The following PGM2L1 variants were observed in gnomAD, a reference collection of about 807,000 sequenced individuals.
PGM2L1 encodes the protein glucose 1,6-bisphosphate synthase.
In PGM2L1, 35 loss-of-function variants were observed where a neutral mutation model predicts 73.4. That is an observed-to-expected ratio of 0.48 (90% confidence interval 0.36 to 0.63). PGM2L1 has a LOEUF of 0.63. Ranked by LOEUF, PGM2L1 falls within the 30% of genes least tolerant of loss-of-function variation. PGM2L1 has a pLI of 0.00. For synonymous variants in PGM2L1, 225 were observed against 253.8 expected, an observed-to-expected ratio of 0.89 and a Z score of 1.08; for missense variants, 570 against 742.0, an observed-to-expected ratio of 0.77 and a Z score of 2.69.
At chr11:74,358,543 C>A (rs1862498276) in intron 5 of PGM2L1, among the ~76,000 whole-genome samples, 1 of 152,078 alleles carries the variant, frequency 6.6e-6, no homozygotes, top group Admixed American at 6.5e-5. Context: ...ATGGTATGAC[C>A]ACCTTGAATA....
At chr11:74,372,129 CT>C (rs1365061314) in intron 2 of PGM2L1, among the ~76,000 whole-genome samples, 1 of 79,130 alleles carries the variant, frequency 1.3e-5, no homozygotes, top group Non-Finnish European at 2.8e-5. Flanking sequence ...CGTCAATAAG[CT>C]AAAAAAAAAA....
In PGM2L1 at chr11:74,374,523, C is replaced by G; in HGVS notation, c.171G>C (p.Leu57=). ...TCATTCGGCAACAAAGACGATCTCG[C>G]AGCTCCTTGTTCATCCCATTCCGTA... ...NLLRNGMNKE[L]RDRLCCRMTF... Residue 57 remains leucine (L), a synonymous_variant, in exon 2 of 14, where the codon CTG becomes CTC. Transcript: ENST00000298198. The G allele has an allele frequency of 6.2e-7, 1 of 1,614,178 alleles. No homozygotes were observed. Among genetic ancestry groups the G allele is most frequent in the Non-Finnish European group, 8.5e-7 (1 of 1,180,002 alleles).
At chr11:74,359,026 A>G (rs1407898391) in intron 5 of PGM2L1, among the ~76,000 whole-genome samples, 1 of 152,238 alleles carries the variant, frequency 6.6e-6, no homozygotes, top group Non-Finnish European at 1.5e-5. Context: ...TAGTAATCAT[A>G]TTAAAAAATA....
At position 74,343,386 on chromosome 11, in the gene PGM2L1, T is replaced by C. The variant is rs754894769; in HGVS notation, c.1249A>G (p.Ser417Gly). 8.7e-6 allele frequency: 14 copies of C among 1,609,428 alleles called. No individual in the cohort carries two copies. Among genetic ancestry groups the C allele is most frequent in the Non-Finnish European group, 1.1e-5 (13 of 1,178,826 alleles). ...TTTTCCAGGAGGTCTATTATCCTAC[T>C]TCCAATCCATTTAAAACCTGGTAAT... ...ETLPGFKWIG[S>G]RIIDLLENGK... Residue 417 changes from serine to glycine, a missense_variant, in exon 10 of 14, where the codon AGT becomes GGT. Ser to Gly is a moderately conservative substitution (Grantham distance 56). Coordinates refer to ENST00000298198, the MANE Select transcript of PGM2L1 (RefSeq NM_173582.6).
chr11:74,366,728 T>A (rs1862666119), intron 5 of PGM2L1, among the ~76,000 whole-genome samples: 1 of 151,730 alleles, frequency 6.6e-6, no homozygotes, highest in Admixed American at 6.6e-5. Flanking sequence ...AAGGGAGCAG[T>A]GGTATGACTG....
At chr11:74,371,364 T>C (rs951912906) in intron 3 of PGM2L1, among the ~76,000 whole-genome samples, 1 of 152,174 alleles carries the variant, frequency 6.6e-6, no homozygotes, top group Non-Finnish European at 1.5e-5. Context: ...TACATGATTA[T>C]CTATTTATAA....
intron 13 of PGM2L1, 132 bp from the exon 14 acceptor site, chr11:74,336,886 G>T: frequency 1.7e-6 from 1 of 592,310 alleles, no homozygotes; most frequent in Non-Finnish European, 2.7e-6. Context: ...AATTCACTTG[G>T]TTAAAACAAA....
chr11:74,397,990 C>A (rs1417103457), intron 1 of PGM2L1, 61 bp downstream of exon 1: 24 of 1,481,708 alleles, frequency 1.6e-5, no homozygotes, highest in Non-Finnish European at 2.0e-5. Flanking sequence ...TGGGTGGGCA[C>A]AGGAAAGAGC....
In PGM2L1 at chr11:74,332,406, T is replaced by A. The variant is rs1034383085; in HGVS notation, c.*4246A>T. On this transcript the variant is annotated 3_prime_UTR_variant, in exon 14 of 14. Coordinates refer to ENST00000298198, the MANE Select transcript of PGM2L1 (RefSeq NM_173582.6). ...TACTTCCTACAATAAGTCTTAAATATAATGACAACATTAACAAAATAACCA... is the reference window on the plus strand; with the variant it reads ...TACTTCCTACAATAAGTCTTAAATAAAATGACAACATTAACAAAATAACCA... The A allele has an allele frequency of 6.6e-6, 1 of 152,444 alleles. No individual in the cohort carries two copies. Among genetic ancestry groups the A allele is most frequent in the Admixed American group, 6.5e-5 (1 of 15,280 alleles). The allele number at this position is 152,444 out of a possible 1,614,324, so 9.4% of individuals were successfully genotyped here. A position where few individuals can be genotyped will look rare whatever the true frequency, so the allele number is the denominator to read the frequency against.
chr11:74,395,114 C>T (rs1001381002), intron 1 of PGM2L1, among the ~76,000 whole-genome samples: 1 of 152,028 alleles, frequency 6.6e-6, no homozygotes, highest in Non-Finnish European at 1.5e-5. Context: ...TGTATTCTCT[C>T]CTATTAAGAG....
chr11:74,342,655 G>A lies in PGM2L1; in HGVS notation c.1443-5C>T, dbSNP rs1862201125. ...TTTGAAATATGATAACCATATCTGT[G>A]CAAAGATTCAAAGTGCTAAAATTAG... is the stretch of plus-strand genomic sequence containing the variant. On this transcript the variant is annotated splice_region_variant and splice_polypyrimidine_tract_variant and intron_variant, in intron 11 of 13. Coordinates refer to ENST00000298198, the MANE Select transcript of PGM2L1 (RefSeq NM_173582.6). The A allele has an allele frequency of 6.5e-7, 1 of 1,536,652 alleles. No individual in the cohort carries two copies. The highest frequency in any genetic ancestry group is 2.0e-4 in the Middle Eastern group (1 of 4,956).
rs1212241477 is a variant in PGM2L1, at chr11:74,335,051, G to C, written c.*1601C>G. 2.6e-5 allele frequency: 4 copies of C among 151,066 alleles called. No individual in the cohort carries two copies. The highest frequency in any genetic ancestry group is 9.7e-5 in the African/African-American group (4 of 41,038). 9.4% of individuals were successfully genotyped at this position (151,066 alleles called of 1,614,324 possible). ...CCCAAAGCGCTGGTATTACAGATGT[G>C]AGCCACCAAGCCCAGCCTAAACAGC... On this transcript the variant is annotated 3_prime_UTR_variant, in exon 14 of 14. Transcript: ENST00000298198.
chr11:74,358,522 G>A (rs1412496445), intron 5 of PGM2L1, among the ~76,000 whole-genome samples: 1 of 152,198 alleles, frequency 6.6e-6, no homozygotes, highest in Non-Finnish European at 1.5e-5. Context: ...TGTTGTTGAT[G>A]AGGTTATTAA....
At chr11:74,393,824 C>A (rs1180063327) in intron 1 of PGM2L1, among the ~76,000 whole-genome samples, 2 of 152,216 alleles carry the variant, frequency 1.3e-5, no homozygotes, top group African/African-American at 4.8e-5. Flanking sequence ...CCACTGACCC[C>A]ATCCACTTTG....
At chr11:74,365,690 A>G (rs1351781680) in intron 5 of PGM2L1, among the ~76,000 whole-genome samples, 3 of 152,214 alleles carry the variant, frequency 2.0e-5, no homozygotes, top group African/African-American at 4.8e-5. Flanking sequence ...TAGAATGGCG[A>G]TCATTAAAAA....
chr11:74,397,949 C>T, intron 1 of PGM2L1, 102 bp downstream of exon 1: 1 of 1,393,952 alleles, frequency 7.2e-7, no homozygotes, highest in Non-Finnish European at 9.3e-7. Flanking sequence ...CTCGGTGTCC[C>T]GAGCCATCTC....
chr11:74,353,918 T>A (rs1357724864), intron 5 of PGM2L1, among the ~76,000 whole-genome samples: 1 of 144,530 alleles, frequency 6.9e-6, no homozygotes, highest in Non-Finnish European at 1.5e-5. Flanking sequence ...CAAACAAAAC[T>A]GTTCTGGAGG....
intron 5 of PGM2L1, among the ~76,000 whole-genome samples, chr11:74,362,899 C>T (rs1036063309): frequency 2.0e-5 from 3 of 152,186 alleles, no homozygotes; most frequent in African/African-American, 7.2e-5. Context: ...TAATAGATAT[C>T]TACAGAACTC....
chr11:74,388,288 A>G (rs1015598592), intron 1 of PGM2L1, among the ~76,000 whole-genome samples: 2 of 151,654 alleles, frequency 1.3e-5, no homozygotes, highest in African/African-American at 4.9e-5. Context: ...AAATCTGTTA[A>G]GAGGGTAAAT....
Sources: gnomAD v4.1 joint callset for allele counts (sites outside exome capture counted in the v4.1 genomes callset) on GRCh38, gnomAD v4.1.1 for gene constraint, MANE v1.5 for transcripts, NCBI Gene and HGNC (gene_info 2026-07-23, HGNC 2026-07-21) for gene names.